CDH4: variants seen among roughly 807,000 people sequenced by gnomAD.
CDH4 encodes cadherin-4.
In CDH4, 33 loss-of-function variants were observed where a neutral mutation model predicts 86.0. The ratio of observed to expected loss-of-function variants is 0.38; its 90% CI spans 0.29 to 0.51. The LOEUF (loss-of-function observed/expected upper bound fraction) is 0.51, where lower values mean the gene tolerates loss of function less well. Among genes scored for constraint, CDH4 ranks in the 20% least tolerant of loss-of-function variants. The pLI is 0.86. For missense variants in CDH4, 1,114 were observed against 1,307.4 expected, an observed-to-expected ratio of 0.85 and a Z score of 2.28; for synonymous variants, 555 against 549.4, an observed-to-expected ratio of 1.01 and a Z score of -0.14.
intron 4 of CDH4, among the ~76,000 whole-genome samples, chr20:61,809,113 G>T (rs1350517672): frequency 1.3e-5 from 2 of 152,226 alleles, no homozygotes; most frequent in Non-Finnish European, 2.9e-5. Flanking sequence ...GGGTCCTCTG[G>T]ACCCAGACCT....
chr20:61,308,658 AGT>A (rs1186300459), intron 2 of CDH4, among the ~76,000 whole-genome samples: 1 of 152,206 alleles, frequency 6.6e-6, no homozygotes, highest in East Asian at 1.9e-4. Context: ...CAAAATGCTT[AGT>A]GTGTTTCCTT....
chr20:61,324,400 A>G (rs533954551), intron 2 of CDH4, among the ~76,000 whole-genome samples: 1 of 152,302 alleles, frequency 6.6e-6, no homozygotes, highest in South Asian at 2.1e-4. Flanking sequence ...CTGATGTCAA[A>G]GTGTCAGAGA....
intron 2 of CDH4, among the ~76,000 whole-genome samples, chr20:61,702,852 T>G (rs181147960): frequency 2.6e-5 from 4 of 152,304 alleles, no homozygotes; most frequent in Admixed American, 6.5e-5. Context: ...AATTTAGAGT[T>G]CTTGATCTAC....
At chr20:61,921,268 C>G (rs1029167968) in intron 9 of CDH4, among the ~76,000 whole-genome samples, 4 of 147,538 alleles carry the variant, frequency 2.7e-5, no homozygotes, top group Non-Finnish European at 4.5e-5. Flanking sequence ...TGCGTGGAAG[C>G]GTGGTGTCAC....
chr20:61,502,800 T>C (rs1467778531), intron 2 of CDH4, among the ~76,000 whole-genome samples: 8 of 152,238 alleles, frequency 5.3e-5, no homozygotes, highest in Non-Finnish European at 1.2e-4. Context: ...TGCATAAGAA[T>C]TACTCTGTAC....
chr20:61,443,791 A>G (rs1452396140), intron 2 of CDH4, among the ~76,000 whole-genome samples: 1 of 149,794 alleles, frequency 6.7e-6, no homozygotes, highest in African/African-American at 2.5e-5. Flanking sequence ...GGATCTGTGT[A>G]TGTGTGTCTC....
At chr20:61,867,873 A>G (rs1339344553) in intron 6 of CDH4, among the ~76,000 whole-genome samples, 3 of 152,224 alleles carry the variant, frequency 2.0e-5, no homozygotes, top group Non-Finnish European at 4.4e-5. Context: ...GGCGCGATGC[A>G]TCTGCCAAGG....
At chr20:61,898,209 C>T (rs561261300) in intron 8 of CDH4, among the ~76,000 whole-genome samples, 6 of 152,250 alleles carry the variant, frequency 3.9e-5, no homozygotes, top group Non-Finnish European at 8.8e-5. Context: ...GCCACACTGC[C>T]GCACATGCCG....
chr20:61,560,196 C>A (rs572879633), intron 2 of CDH4, among the ~76,000 whole-genome samples: 14 of 152,200 alleles, frequency 9.2e-5, no homozygotes, highest in Non-Finnish European at 1.8e-4. Context: ...TGAATCCCCC[C>A]ACCTGCGGGT....
At chr20:61,906,655 G>T (rs891059944) in intron 8 of CDH4, among the ~76,000 whole-genome samples, 4 of 151,658 alleles carry the variant, frequency 2.6e-5, no homozygotes, top group Non-Finnish European at 5.9e-5. Context: ...GTGTGCTACG[G>T]GGCCCTGGCA....
chr20:61,268,391 G>A (rs2084167936), intron 2 of CDH4, among the ~76,000 whole-genome samples: 1 of 152,286 alleles, frequency 6.6e-6, no homozygotes, highest in South Asian at 2.1e-4. Context: ...CTGCACACGG[G>A]GAGGCCCAGG....
At chr20:61,397,076 A>AT (rs2085021789) in intron 2 of CDH4, among the ~76,000 whole-genome samples, 4 of 151,828 alleles carry the variant, frequency 2.6e-5, no homozygotes, top group Admixed American at 2.6e-4. Flanking sequence ...CACCCGGCTA[A>AT]TTTTTTGTAT....
intron 2 of CDH4, among the ~76,000 whole-genome samples, chr20:61,590,146 T>G (rs2086507742): frequency 4.2e-5 from 4 of 95,220 alleles, no homozygotes; most frequent in African/African-American, 4.0e-5. Flanking sequence ...CTGGCTGCTG[T>G]AGGGAGATGG....
intron 15 of CDH4, among the ~76,000 whole-genome samples, chr20:61,935,987 T>C (rs1321733733): frequency 6.6e-6 from 1 of 152,052 alleles, no homozygotes; most frequent in East Asian, 1.9e-4. Flanking sequence ...TGACACTGAG[T>C]ACCCTCTCCC....
chr20:61,734,428 C>T (rs926402192), intron 2 of CDH4, among the ~76,000 whole-genome samples: 3 of 152,190 alleles, frequency 2.0e-5, no homozygotes, highest in Non-Finnish European at 2.9e-5. Context: ...TGTGAATACA[C>T]ACAATTCAAA....
In CDH4 at chr20:61,708,614, C is replaced by T. The variant is rs1426742297; in HGVS notation, c.170-34949C>T. Among the ~76,000 whole-genome samples the T allele has an allele frequency of 6.6e-6, 1 of 152,148 alleles. No homozygotes were observed. The highest frequency in any genetic ancestry group is 6.5e-5 in the Admixed American group (1 of 15,280). ...CCTCATGCCCCTTGTAGACCCTCTC[C>T]ACCCTCCTGTGCCTGGAGCCCCTCC... On this transcript the variant is annotated intron_variant, in intron 2 of 15. Coordinates refer to ENST00000614565, the MANE Select transcript of CDH4 (RefSeq NM_001794.5). This position sits in a 1 kb window ranked among gnomAD's most constrained non-coding sequence, Gnocchi z 4.5.
chr20:61,556,126 A>G (rs1392782213), intron 2 of CDH4, among the ~76,000 whole-genome samples: 2 of 152,120 alleles, frequency 1.3e-5, no homozygotes, highest in African/African-American at 4.8e-5. Flanking sequence ...TGACCACAGA[A>G]GTTTGCCAGG....
At chr20:61,513,755 C>G (rs760127841) in intron 2 of CDH4, among the ~76,000 whole-genome samples, 6 of 152,310 alleles carry the variant, frequency 3.9e-5, no homozygotes, top group Admixed American at 6.5e-5. Context: ...AAGCGACCAC[C>G]CCTTCCCTAG....
chr20:61,933,897 G>T (rs1474579608), intron 14 of CDH4, among the ~76,000 whole-genome samples, 159 bp from the exon 15 acceptor site: 1 of 152,182 alleles, frequency 6.6e-6, no homozygotes, highest in East Asian at 1.9e-4. Flanking sequence ...ATTGTGGAGG[G>T]GCACAGCAGG....
Sources: allele counts gnomAD v4.1 joint callset (sites outside exome capture counted in the v4.1 genomes callset), GRCh38; gene constraint gnomAD v4.1.1; non-coding constraint Gnocchi (gnomAD v3.1); transcripts MANE v1.5; gene names NCBI Gene and HGNC (gene_info 2026-07-23, HGNC 2026-07-21).